RBFOX1: variants seen among roughly 807,000 people sequenced by gnomAD.
The protein encoded by RBFOX1 is RNA binding fox-1 homolog 1, also known as RNA binding protein fox-1 homolog 1.
RBFOX1 carries 8 observed loss-of-function variants against 57.7 expected under a neutral mutation model. That is an observed-to-expected ratio of 0.14 (90% CI 0.08 to 0.25). RBFOX1 has a LOEUF of 0.25. Among genes scored for constraint, RBFOX1 ranks in the 10% least tolerant of loss-of-function variants. The pLI, the probability that RBFOX1 is intolerant of heterozygous loss-of-function variation, is 1.00. For synonymous variants in RBFOX1, 326 were observed against 222.4 expected (o/e 1.47, Z -4.15); for missense variants, 611 against 548.5 (o/e 1.11, Z -1.14).
chr16:7,307,749 CAT>C (rs2096224377), intron 4 of RBFOX1, among the ~76,000 whole-genome samples: 1 of 152,166 alleles, frequency 6.6e-6, no homozygotes. Context: ...CACACAGACA[CAT>C]ATACACACAC....
intron 1 of RBFOX1, among the ~76,000 whole-genome samples, chr16:6,181,575 A>G (rs1296055684): frequency 3.3e-5 from 5 of 152,196 alleles, no homozygotes; most frequent in Non-Finnish European, 7.3e-5. Flanking sequence ...GAAAGGGCAC[A>G]ACGCATTGGG....
intron 4 of RBFOX1, among the ~76,000 whole-genome samples, chr16:7,500,256 C>G (rs1454368114): frequency 6.6e-6 from 1 of 152,146 alleles, no homozygotes; most frequent in Non-Finnish European, 1.5e-5. Flanking sequence ...CTGATCTTGG[C>G]TCTTCACTTG....
At chr16:7,310,114 C>T (rs537959057) in intron 4 of RBFOX1, among the ~76,000 whole-genome samples, 1 of 152,196 alleles carries the variant, frequency 6.6e-6, no homozygotes, top group Non-Finnish European at 1.5e-5. Flanking sequence ...CACAATGGCC[C>T]AGAAGAGCCC....
intron 3 of RBFOX1, among the ~76,000 whole-genome samples, chr16:5,640,626 C>T (rs1468494848): frequency 6.6e-6 from 1 of 151,144 alleles, no homozygotes; most frequent in Non-Finnish European, 1.5e-5. Context: ...ATATGCACAC[C>T]ATGCATACAC....
intron 4 of RBFOX1, among the ~76,000 whole-genome samples, chr16:7,490,684 G>C (rs1163770321): frequency 6.6e-6 from 1 of 152,230 alleles, no homozygotes; most frequent in African/African-American, 2.4e-5. Flanking sequence ...TAGTTCATAA[G>C]TCCAAGTTCA....
chr16:6,959,352 T>C (rs1404789462), intron 3 of RBFOX1, among the ~76,000 whole-genome samples: 1 of 152,212 alleles, frequency 6.6e-6, no homozygotes, highest in African/African-American at 2.4e-5. Flanking sequence ...ATACATCTGA[T>C]AACCGTCACA....
At chr16:6,396,176 T>C (rs889877028) in intron 2 of RBFOX1, among the ~76,000 whole-genome samples, 7 of 151,610 alleles carry the variant, frequency 4.6e-5, no homozygotes, top group African/African-American at 1.7e-4. Context: ...AAATTCTAGA[T>C]AGGATAGTAA....
At chr16:6,526,091 C>A (rs986882469) in intron 2 of RBFOX1, among the ~76,000 whole-genome samples, 1 of 151,980 alleles carries the variant, frequency 6.6e-6, no homozygotes, top group Non-Finnish European at 1.5e-5. Flanking sequence ...CTTGGATGTG[C>A]GATAGGGTAA....
chr16:7,507,323 C>T (rs554395814), intron 4 of RBFOX1, among the ~76,000 whole-genome samples: 1 of 152,154 alleles, frequency 6.6e-6, no homozygotes, highest in South Asian at 2.1e-4. Flanking sequence ...TTATTCTTCT[C>T]TCATGTGTGT....
chr16:7,058,353 G>T, intron 4 of RBFOX1, among the ~76,000 whole-genome samples: 1 of 152,054 alleles, frequency 6.6e-6, no homozygotes, highest in South Asian at 2.1e-4. Flanking sequence ...GTGTGCCTCA[G>T]GATGAGAGCC....
chr16:7,048,902 C>T (rs1248777592), intron 3 of RBFOX1, among the ~76,000 whole-genome samples: 1 of 152,118 alleles, frequency 6.6e-6, no homozygotes, highest in Non-Finnish European at 1.5e-5. Flanking sequence ...TGCATTCAGG[C>T]TGAAAGCTCT....
chr16:5,607,015 A>G (rs914745097), intron 3 of RBFOX1, among the ~76,000 whole-genome samples: 5 of 152,164 alleles, frequency 3.3e-5, no homozygotes, highest in African/African-American at 1.2e-4. Flanking sequence ...TCCAATTTGC[A>G]TTTTAGAAAG....
chr16:5,461,946 G>C (rs1017463865), intron 1 of RBFOX1, among the ~76,000 whole-genome samples: 4 of 152,108 alleles, frequency 2.6e-5, no homozygotes, highest in African/African-American at 9.7e-5. Context: ...AAAATATATA[G>C]CTAGACAGGG....
intron 5 of RBFOX1, among the ~76,000 whole-genome samples, chr16:7,559,091 G>A (rs1025346812): frequency 6.6e-6 from 1 of 152,198 alleles, no homozygotes. Flanking sequence ...TAGGAGAAAG[G>A]TTCAGAGGCC....
At chr16:7,667,240 T>G (rs1597643794) in intron 13 of RBFOX1, among the ~76,000 whole-genome samples, 2 of 152,316 alleles carry the variant, frequency 1.3e-5, no homozygotes, top group South Asian at 2.1e-4. Context: ...TTGCTGCTGG[T>G]GTGCATCCGT....
intron 3 of RBFOX1, among the ~76,000 whole-genome samples, chr16:7,003,136 A>G (rs908773113): frequency 6.6e-6 from 1 of 152,160 alleles, no homozygotes; most frequent in Non-Finnish European, 1.5e-5. Flanking sequence ...GGTTTAAAGA[A>G]GAATGAAAGA....
intron 4 of RBFOX1, among the ~76,000 whole-genome samples, chr16:7,423,638 G>C (rs1407208691): frequency 6.6e-6 from 1 of 152,156 alleles, no homozygotes; most frequent in Non-Finnish European, 1.5e-5. Context: ...ATTGCAGCTT[G>C]TGCTGTTTAT....
intron 4 of RBFOX1, among the ~76,000 whole-genome samples, chr16:7,228,841 C>G (rs2093314979): frequency 6.6e-6 from 1 of 152,158 alleles, no homozygotes; most frequent in Admixed American, 6.5e-5. Flanking sequence ...TTCACGTTCA[C>G]TTGAAAATGA....
chr16:6,117,383 C>A (rs1348777045), intron 1 of RBFOX1, among the ~76,000 whole-genome samples: 1 of 152,218 alleles, frequency 6.6e-6, no homozygotes, highest in Non-Finnish European at 1.5e-5. Flanking sequence ...GAACTAATAA[C>A]AATTATGTTC....
Sources: gnomAD v4.1 joint callset for allele counts (sites outside exome capture counted in the v4.1 genomes callset) on GRCh38, gnomAD v4.1.1 for gene constraint, MANE v1.5 for transcripts, NCBI Gene and HGNC (gene_info 2026-07-23, HGNC 2026-07-21) for gene names.